The following CAMK2G variants were observed in gnomAD, a reference collection of about 807,000 sequenced individuals.
The protein encoded by CAMK2G is calcium/calmodulin dependent protein kinase II gamma, also known as calcium/calmodulin-dependent protein kinase type II subunit gamma.
Under a neutral mutation model 88.7 loss-of-function variants are expected in CAMK2G, and 23 were observed. The ratio of observed to expected loss-of-function variants is 0.26; its 90% CI spans 0.19 to 0.37. The LOEUF (loss-of-function observed/expected upper bound fraction) is 0.37. Ranked by LOEUF, CAMK2G falls within the 10% of genes least tolerant of loss-of-function variation. The pLI is 1.00. For synonymous variants in CAMK2G, 263 were observed against 294.8 expected (o/e 0.89, Z 1.11); for missense variants, 476 against 780.8 (o/e 0.61, Z 4.65).
intron 21 of CAMK2G, among the ~76,000 whole-genome samples, chr10:73,815,509 G>A (rs1366972286): frequency 6.6e-6 from 1 of 151,912 alleles, no homozygotes; most frequent in Non-Finnish European, 1.5e-5. Flanking sequence ...ATTGTGCTGG[G>A]GTTTTACATG....
intron 2 of CAMK2G, among the ~76,000 whole-genome samples, chr10:73,865,825 C>G (rs1046081888): frequency 6.6e-6 from 1 of 152,132 alleles, no homozygotes; most frequent in Non-Finnish European, 1.5e-5. Flanking sequence ...CAAGGTGGAC[C>G]CTCCTCCACG....
chr10:73,817,014 C>A lies in CAMK2G; in HGVS notation c.1534+9G>T, dbSNP rs780848581. 1 of 1,614,070 alleles carries A rather than the reference C, an allele frequency of 6.2e-7. No individual in the cohort carries two copies. The highest frequency in any genetic ancestry group is 1.1e-5 in the South Asian group (1 of 91,078). On this transcript the variant is annotated intron_variant, in intron 21 of 22. Transcript: ENST00000423381. The stretch of plus-strand genomic sequence containing the variant: ...GGCAGGAGTATATCAGCAGCACGAA[C>A]CCACTCACGATTCTCAAAGTAAAAC...
chr10:73,833,686 C>G (rs2092822516), intron 14 of CAMK2G, among the ~76,000 whole-genome samples: 1 of 151,728 alleles, frequency 6.6e-6, no homozygotes, highest in Admixed American at 6.6e-5. Context: ...ACCTCTGCCC[C>G]CCGCAAGGTT....
chr10:73,824,013 C>G, intron 17 of CAMK2G, 27 bp downstream of exon 17: 2 of 1,601,510 alleles, frequency 1.2e-6, no homozygotes, highest in Non-Finnish European at 1.7e-6. Flanking sequence ...ACCTGGAAAG[C>G]AGGAGGCAGG....
chr10:73,842,531 G>A lies in CAMK2G; in HGVS notation c.830C>T (p.Thr277Met), dbSNP rs771499126. 6 of 1,612,496 alleles carry A rather than the reference G, an allele frequency of 3.7e-6. No homozygotes were observed. In the African/African-American group the frequency reaches 5.3e-5, roughly 14 times the overall value. ...LKHPWVCQRSTVASMMHRQET... is the reference protein window; with the variant it reads ...LKHPWVCQRSMVASMMHRQET... ...CTGACGATGCATCATGGATGCCACC[G>A]TGGATCGTTGCTAGAAACCAAACAG... The change falls in exon 11 of 23, where the codon ACG (threonine) becomes ATG (methionine). Residue 277 changes from threonine (T) to methionine (M), a missense_variant. Thr to Met is a moderately conservative substitution (Grantham distance 81, BLOSUM62 -1). Transcript: ENST00000423381. The surrounding 1 kb of genome is among the most constrained non-coding windows in gnomAD (Gnocchi z 4.6).
At chr10:73,838,416 TTATC>T (rs887671939) in intron 13 of CAMK2G, among the ~76,000 whole-genome samples, 5 of 152,358 alleles carry the variant, frequency 3.3e-5, no homozygotes, top group Middle Eastern at 6.8e-3. Context: ...CTCAATTTCT[TTATC>T]TATAAAATGG....
At chr10:73,833,387 T>G (rs144641201) in intron 14 of CAMK2G, among the ~76,000 whole-genome samples, 3,229 of 152,180 alleles carry the variant, frequency 0.021, 48 homozygotes, top group Non-Finnish European at 0.032. Flanking sequence ...TAAAAAGAGG[T>G]AGAAGCATTT....
intron 2 of CAMK2G, among the ~76,000 whole-genome samples, chr10:73,863,072 T>G (rs1234651659): frequency 1.3e-5 from 2 of 152,174 alleles, no homozygotes; most frequent in African/African-American, 4.8e-5. Flanking sequence ...TAGAAGAAAT[T>G]CACATTTATT....
intron 14 of CAMK2G, among the ~76,000 whole-genome samples, chr10:73,835,014 G>A (rs1389548925): frequency 6.6e-6 from 1 of 151,984 alleles, no homozygotes; most frequent in African/African-American, 2.4e-5. Context: ...CTTCACATGC[G>A]CTCTTCCCTC....
chr10:73,825,329 T>G lies in CAMK2G; in HGVS notation c.1105A>C (p.Asn369His), dbSNP rs756590576. The G allele has an allele frequency of 8.1e-6, 13 of 1,613,842 alleles. No homozygotes were observed. The East Asian group carries it at 2.9e-4, about 36-fold the overall frequency. Reference sequence around the variant, plus strand: ...TCTTGGGCTGGGCTTACGAGACTGTTTTTGTTGTTGCTCTGTGGCTGAGAC... The same window carrying G: ...TCTTGGGCTGGGCTTACGAGACTGTGTTTGTTGTTGCTCTGTGGCTGAGAC... Reference protein sequence around the residue: ...VHLMPQSNNKNSLVSPAQEPA... With the variant: ...VHLMPQSNNKHSLVSPAQEPA... Residue 369 changes from asparagine to histidine, a missense_variant, in exon 16 of 23, where the codon AAC becomes CAC. Physicochemically the swap from Asn to His is moderately conservative, Grantham distance 68. Coordinates refer to ENST00000423381, the MANE Select transcript of CAMK2G (RefSeq NM_001367534.1).
In CAMK2G at chr10:73,839,652, C is replaced by T. The variant is rs993693068; in HGVS notation, c.947-51G>A. The T allele has an allele frequency of 5.4e-6, 6 of 1,104,520 alleles. No individual in the cohort carries two copies. The highest frequency in any genetic ancestry group is 4.9e-5 in the African/African-American group (3 of 61,788). 68.4% of individuals were successfully genotyped at this position (1,104,520 alleles called of 1,614,324 possible). A position where few individuals can be genotyped will look rare whatever the true frequency, so the allele number is the denominator to read the frequency against. Reference sequence around the variant, plus strand: ...ACAGAGCCCCGCAAAGCCACGGGGCCGTCAGCAGCGAGCATGCCCCAGCGC... The same window carrying T: ...ACAGAGCCCCGCAAAGCCACGGGGCTGTCAGCAGCGAGCATGCCCCAGCGC... On this transcript the variant is annotated intron_variant, in intron 12 of 22. Transcript: ENST00000423381. This position sits in a 1 kb window ranked among gnomAD's most constrained non-coding sequence, Gnocchi z 4.2.
intron 14 of CAMK2G, among the ~76,000 whole-genome samples, chr10:73,831,296 T>C (rs962624900): frequency 2.0e-5 from 3 of 151,964 alleles, no homozygotes; most frequent in Admixed American, 1.3e-4. Flanking sequence ...TCCCAGCACT[T>C]TGGGAGGCTG....
rs1323916783 is a variant in CAMK2G at position 73,849,110 on chromosome 10, C to T, written c.420G>A (p.Glu140=). 3 of 1,613,684 alleles carry T rather than the reference C, an allele frequency of 1.9e-6. No homozygotes were observed. The South Asian group carries it at 3.3e-5, about 18-fold the overall frequency. The part of the protein sequence containing the change: ...HDIVHRDLKP[E]NLLLASKCKG... The stretch of plus-strand genomic sequence containing the variant: ...TGCATTTACTCGCCAGCAGCAGGTT[C>T]TCAGGCTGCAGAAGAAACACAGAGA... The change falls in exon 7 of 23, where the codon GAG becomes GAA. Residue 140 remains glutamate (E), a synonymous_variant. Coordinates refer to ENST00000423381, the MANE Select transcript of CAMK2G (RefSeq NM_001367534.1).
rs1476688464 is a variant in CAMK2G, at chr10:73,813,762, ATGAG to A, written c.*752_*755del. On this transcript the variant is annotated 3_prime_UTR_variant, in exon 23 of 23. Coordinates refer to ENST00000423381, the MANE Select transcript of CAMK2G (RefSeq NM_001367534.1). The stretch of plus-strand genomic sequence containing the variant: ...TGCATTGTGCATCCTATAGAAATGG[ATGAG>A]TGAGTGCATGTCAGACTAACACGAG... 1 of 152,684 alleles carries A rather than the reference ATGAG, an allele frequency of 6.5e-6. No homozygotes were observed. The highest frequency in any genetic ancestry group is 6.5e-5 in the Admixed American group (1 of 15,278). The allele number at this position is 152,684 out of a possible 1,614,324, so 9.5% of individuals were successfully genotyped here. A position where few individuals can be genotyped will look rare whatever the true frequency, so the allele number is the denominator to read the frequency against.
rs776156157 is a variant in CAMK2G at position 73,837,593 on chromosome 10, G to C, written c.1010-82C>G. The C allele has an allele frequency of 1.7e-5, 19 of 1,123,884 alleles. 1 individual carries two copies. The highest frequency in any genetic ancestry group is 2.0e-4 in the Middle Eastern group (1 of 5,120). 69.6% of individuals were successfully genotyped at this position (1,123,884 alleles called of 1,614,324 possible). On this transcript the variant is annotated intron_variant, in intron 13 of 22. Transcript: ENST00000423381. ...AAGTCCGGCAGCCAGATCCACAAGA[G>C]AGTGCTGTGTCTGACAAGGGGGCCA... is the stretch of plus-strand genomic sequence containing the variant.
chr10:73,817,553 C>T lies in CAMK2G; in HGVS notation c.1365G>A (p.Met455Ile), dbSNP rs2086091860. The T allele has an allele frequency of 4.3e-6, 7 of 1,610,100 alleles. No homozygotes were observed. Among genetic ancestry groups the T allele is most frequent in the Non-Finnish European group, 6.0e-6 (7 of 1,176,320 alleles). ...QPQPSLCSSA[M>I]RKQEIIKITE... is the part of the protein sequence containing the mutation. ...TAATCTTAATGATCTCCTGTTTTCGCACTGTGGGGGAGAAAAATCCATCAA... is the reference window on the plus strand; with the variant it reads ...TAATCTTAATGATCTCCTGTTTTCGTACTGTGGGGGAGAAAAATCCATCAA... Residue 455 changes from methionine (M) to isoleucine (I), a missense_variant and splice_region_variant, in exon 20 of 23, where the codon ATG becomes ATA. Transcript: ENST00000423381.
Position 73,828,009 on chromosome 10 carries a change from C to T in CAMK2G, c.1086+80G>A, listed in dbSNP as rs541712756. ...AGTGAGGATGAGTGAGGCACACGCACGTGGCAGAACAGGTTTGCGTGGCTG... is the reference window on the plus strand; with the variant it reads ...AGTGAGGATGAGTGAGGCACACGCATGTGGCAGAACAGGTTTGCGTGGCTG... On this transcript the variant is annotated intron_variant, in intron 15 of 22. Coordinates refer to ENST00000423381, the MANE Select transcript of CAMK2G (RefSeq NM_001367534.1). 44 of 1,105,110 alleles carry T rather than the reference C, an allele frequency of 4.0e-5. 1 individual carries two copies. The highest frequency in any genetic ancestry group is 5.4e-5 in the Non-Finnish European group (39 of 716,270). The allele number at this position is 1,105,110 out of a possible 1,614,324, so 68.5% of individuals were successfully genotyped here.
At chr10:73,820,185 G>A (rs2087403119) in intron 18 of CAMK2G, among the ~76,000 whole-genome samples, 1 of 152,024 alleles carries the variant, frequency 6.6e-6, no homozygotes, top group Non-Finnish European at 1.5e-5. Context: ...CCTGGCCCAA[G>A]GTCACTTACT....
At chr10:73,855,983 A>C (rs1439797839) in intron 3 of CAMK2G, among the ~76,000 whole-genome samples, 1 of 152,016 alleles carries the variant, frequency 6.6e-6, no homozygotes, top group Non-Finnish European at 1.5e-5. Context: ...TATGTTGCCC[A>C]GGCTGGGCTG....
Sources: gnomAD v4.1 joint callset for allele counts (sites outside exome capture counted in the v4.1 genomes callset) on GRCh38, gnomAD v4.1.1 for gene constraint, Gnocchi (gnomAD v3.1) non-coding constraint, MANE v1.5 for transcripts, NCBI Gene and HGNC (gene_info 2026-07-23, HGNC 2026-07-21) for gene names.